Variants in RHCE observed in about 807,000 individuals in gnomAD.
RHCE encodes Rh blood group CcEe antigens.
A neutral mutation model predicts 43.8 loss-of-function variants in RHCE; 22 were observed. The ratio of observed to expected loss-of-function variants is 0.50; its 90% CI spans 0.36 to 0.72. The LOEUF (loss-of-function observed/expected upper bound fraction) is 0.72. Among genes scored for constraint, RHCE ranks in the 30% least tolerant of loss-of-function variants. RHCE has a pLI of 0.00. For synonymous variants in RHCE, 156 were observed against 210.7 expected, an observed-to-expected ratio of 0.74 and a Z score of 2.25; for missense variants, 385 against 525.4, an observed-to-expected ratio of 0.73 and a Z score of 2.61.
intron 2 of RHCE, among the ~76,000 whole-genome samples, chr1:25,406,232 G>GGCGGGCGT (rs1646911344): frequency 1.0e-5 from 1 of 98,406 alleles, no homozygotes; most frequent in Non-Finnish European, 2.3e-5. Flanking sequence ...TGTGTATGCG[G>GGCGGGCGT]GCGTGCGTGC....
chr1:25,421,624 C>A (rs1334104138), upstream of RHCE, among the ~76,000 whole-genome samples: 5 of 152,172 alleles, frequency 3.3e-5, no homozygotes, highest in Non-Finnish European at 7.4e-5. Context: ...ACAGTCCAGT[C>A]CCCTGGCATG....
intron 6 of RHCE, among the ~76,000 whole-genome samples, chr1:25,386,859 AC>A (rs1646187047): frequency 6.6e-6 from 1 of 150,554 alleles, no homozygotes; most frequent in Non-Finnish European, 1.5e-5. Context: ...ACACACACAC[AC>A]ACACACACAC....
intron 7 of RHCE, 61 bp downstream of exon 7, chr1:25,385,650 A>T (rs1646131181): frequency 1.2e-6 from 2 of 1,613,238 alleles, no homozygotes; most frequent in East Asian, 4.5e-5. Context: ...GACTCTGCAC[A>T]CATTTCTTCC....
intron 3 of RHCE, chr1:25,398,703 CT>C: frequency 1.3e-6 from 2 of 1,554,352 alleles, no homozygotes; most frequent in South Asian, 1.1e-5. Flanking sequence ...AAGATGAACT[CT>C]CCGCCTCAGG....
At position 25,362,572 on chromosome 1, in the gene RHCE, C is replaced by T. The variant is rs1325779973; in HGVS notation, c.1228-19G>A. The T allele has an allele frequency of 1.4e-5, 22 of 1,527,656 alleles. No homozygotes were observed. The highest frequency in any genetic ancestry group is 1.8e-4 in the Middle Eastern group (1 of 5,708). The allele number at this position is 1,527,656 out of a possible 1,614,324, so 94.6% of individuals were successfully genotyped here. ...GAGGAAACTGTAAAAGCAAAACAAA[C>T]ATTTTTATTGCAGATGAACCCACAT... is the stretch of plus-strand genomic sequence containing the variant. On this transcript the variant is annotated intron_variant, in intron 9 of 9. Coordinates refer to ENST00000294413, the MANE Select transcript of RHCE (RefSeq NM_020485.8).
intron 4 of RHCE, among the ~76,000 whole-genome samples, chr1:25,391,263 C>A (rs1438939293): frequency 6.6e-6 from 1 of 152,136 alleles, no homozygotes; most frequent in Non-Finnish European, 1.5e-5. Context: ...TGGCTCACTG[C>A]AACCTCCACC....
upstream of RHCE, among the ~76,000 whole-genome samples, chr1:25,422,680 C>T (rs2042774928): frequency 1.3e-5 from 2 of 152,298 alleles, no homozygotes; most frequent in Admixed American, 6.5e-5. Context: ...AACTTCAGGA[C>T]CTGGGTGTTT....
intron 7 of RHCE, 104 bp downstream of exon 7, chr1:25,385,607 C>T (rs1646129408): frequency 1.3e-6 from 2 of 1,512,720 alleles, no homozygotes; most frequent in South Asian, 2.3e-5. Flanking sequence ...GCCTACTGAG[C>T]ACCTGGCCCC....
upstream of RHCE, among the ~76,000 whole-genome samples, chr1:25,423,007 C>G (rs547912639): frequency 6.6e-5 from 10 of 152,222 alleles, no homozygotes; most frequent in South Asian, 8.3e-4. Context: ...AGGTTCCTAA[C>G]GGGCCACAGC....
At chr1:25,381,457 C>CTTT (rs757669054) in intron 7 of RHCE, among the ~76,000 whole-genome samples, 8 of 134,270 alleles carry the variant, frequency 6.0e-5, no homozygotes, top group African/African-American at 2.0e-4. Context: ...TTTTCTTTTT[C>CTTT]TTTTTTTTTT....
At position 25,390,879 on chromosome 1, in the gene RHCE, T is replaced by C. The variant is rs1646339055; in HGVS notation, c.671A>G (p.Asn224Ser). Reference protein sequence around the residue: ...LFLWMFWPSVNSALLRSPIQR... With the variant: ...LFLWMFWPSVSSALLRSPIQR... ...GATTGGACTTCTCAGCAGAGCAGAG[T>C]TGACACTTGGCCAGAACATCCACAA... The change falls in exon 5 of 10, where the codon AAC becomes AGC. Residue 224 changes from asparagine (N) to serine (S), a missense_variant. By Grantham distance (46) the Asn-to-Ser change is conservative (BLOSUM62 1). Coordinates refer to ENST00000294413, the MANE Select transcript of RHCE (RefSeq NM_020485.8). The C allele has an allele frequency of 6.2e-7, 1 of 1,614,078 alleles. No homozygotes were observed. The highest frequency in any genetic ancestry group is 8.5e-7 in the Non-Finnish European group (1 of 1,180,004).
At chr1:25,402,069 G>A (rs1260124289) in intron 3 of RHCE, among the ~76,000 whole-genome samples, 4 of 151,908 alleles carry the variant, frequency 2.6e-5, no homozygotes, top group African/African-American at 9.7e-5. Flanking sequence ...TAGAGATGAG[G>A]TTCCCCCATG....
chr1:25,423,224 T>C (rs1267121168), upstream of RHCE, among the ~76,000 whole-genome samples: 1 of 152,176 alleles, frequency 6.6e-6, no homozygotes, highest in Admixed American at 6.5e-5. Flanking sequence ...TCAGTACTTC[T>C]TATAAACTGG....
At position 25,425,877 on chromosome 1, in the gene RHCE, C is replaced by T. The variant is rs150394692; in HGVS notation, c.-40+3076G>A. On this transcript the variant is annotated intron_variant, in intron 2 of 11. Transcript: ENST00000349320. ...AAATGTGTCCACGCCAAGGGTGTGA[C>T]CTTGCTCTGGGCACGTTTGGCTAAA... Among the ~76,000 whole-genome samples, 383 of 152,328 alleles carry T rather than the reference C, an allele frequency of 2.5e-3. 2 individuals are homozygous for T. Among genetic ancestry groups the T allele is most frequent in the African/African-American group, 8.9e-3 (369 of 41,580 alleles).
upstream of RHCE, among the ~76,000 whole-genome samples, chr1:25,422,992 C>T (rs531315430): frequency 6.6e-6 from 1 of 152,086 alleles, no homozygotes; most frequent in East Asian, 1.9e-4. Flanking sequence ...TCATGCTGTG[C>T]GGTCAGGTTC....
intron 8 of RHCE, among the ~76,000 whole-genome samples, chr1:25,371,864 G>A (rs1441190521): frequency 6.6e-6 from 1 of 151,346 alleles, no homozygotes; most frequent in Non-Finnish European, 1.5e-5. Context: ...AAGAATGGGT[G>A]AGTGCTTAGT....
chr1:25,371,821 T>C (rs1381419580), intron 8 of RHCE, among the ~76,000 whole-genome samples: 1 of 151,448 alleles, frequency 6.6e-6, no homozygotes, highest in African/African-American at 2.4e-5. Flanking sequence ...TATCTGTGTA[T>C]TATTAAGGAT....
At chr1:25,396,550 C>A (rs1217324385) in intron 3 of RHCE, among the ~76,000 whole-genome samples, 1 of 152,076 alleles carries the variant, frequency 6.6e-6, no homozygotes, top group East Asian at 1.9e-4. Flanking sequence ...GCCGGAGAGG[C>A]CTCAGGAAAC....
intron 8 of RHCE, among the ~76,000 whole-genome samples, chr1:25,373,540 A>G (rs1431906859): frequency 2.0e-5 from 3 of 151,794 alleles, no homozygotes; most frequent in Non-Finnish European, 2.9e-5. Flanking sequence ...ATTCTAGCCA[A>G]TCTCACACTC....
Sources: gnomAD v4.1 joint callset for allele counts (sites outside exome capture counted in the v4.1 genomes callset) on GRCh38, gnomAD v4.1.1 for gene constraint, MANE v1.5 for transcripts, NCBI Gene and HGNC (gene_info 2026-07-23, HGNC 2026-07-21) for gene names.